NEGR1: variants seen among roughly 807,000 people sequenced by gnomAD.
NEGR1 encodes IgLON family member 4.
A neutral mutation model predicts 40.9 loss-of-function variants in NEGR1; 10 were observed. That is an observed-to-expected ratio of 0.24 (90% CI 0.15 to 0.42). NEGR1 has a LOEUF of 0.42. Ranked by LOEUF, NEGR1 falls within the 10% of genes least tolerant of loss-of-function variation. The pLI, the probability that NEGR1 is intolerant of heterozygous loss-of-function variation, is 1.00. For synonymous variants in NEGR1, 185 were observed against 166.8 expected (o/e 1.11, Z -0.84); for missense variants, 352 against 438.9 (o/e 0.80, Z 1.77).
At chr1:71,751,707 C>T (rs986194440) in intron 3 of NEGR1, among the ~76,000 whole-genome samples, 2 of 151,560 alleles carry the variant, frequency 1.3e-5, no homozygotes, top group Non-Finnish European at 2.9e-5. Context: ...TAACTCCAAG[C>T]TACCTTTCCA....
At chr1:71,494,139 A>T (rs1306290907) in intron 6 of NEGR1, among the ~76,000 whole-genome samples, 3 of 152,160 alleles carry the variant, frequency 2.0e-5, no homozygotes. Flanking sequence ...CCTGATAGGA[A>T]TCCTTTCATT....
intron 1 of NEGR1, among the ~76,000 whole-genome samples, chr1:72,204,154 A>G (rs762482562): frequency 6.6e-6 from 1 of 152,080 alleles, no homozygotes; most frequent in Non-Finnish European, 1.5e-5. Flanking sequence ...AATTGCATCA[A>G]ACAAAGTTAC....
intron 1 of NEGR1, among the ~76,000 whole-genome samples, chr1:71,980,570 A>G (rs1163723243): frequency 6.6e-6 from 1 of 152,136 alleles, no homozygotes. Flanking sequence ...GTTGAGATAT[A>G]AATATGCATC....
intron 2 of NEGR1, among the ~76,000 whole-genome samples, chr1:71,926,891 A>C (rs1645779060): frequency 2.6e-5 from 4 of 152,140 alleles, no homozygotes; most frequent in Admixed American, 2.0e-4. Context: ...TTACATAGAA[A>C]ATCTTTTGGA....
chr1:71,943,048 GTA>G (rs965335350), intron 1 of NEGR1, among the ~76,000 whole-genome samples: 20 of 127,276 alleles, frequency 1.6e-4, no homozygotes, highest in African/African-American at 4.6e-4. Context: ...ATATATATGT[GTA>G]TATATATGTG....
intron 6 of NEGR1, among the ~76,000 whole-genome samples, chr1:71,530,203 A>G (rs1647311259): frequency 6.6e-6 from 1 of 151,244 alleles, no homozygotes; most frequent in Non-Finnish European, 1.5e-5. Context: ...TCTAATATTT[A>G]TTATCTCCTG....
In NEGR1 at chr1:72,144,085, T is replaced by A. The variant is rs11296640; in HGVS notation, c.176+138234A>T. Among the ~76,000 whole-genome samples, 210 of 103,932 alleles carry A rather than the reference T, an allele frequency of 2.0e-3. 1 individual carries two copies. The highest frequency in any genetic ancestry group is 6.2e-3 in the African/African-American group (178 of 28,822). 68.2% of individuals were successfully genotyped at this position (103,932 alleles called of 152,430 possible). On this transcript the variant is annotated intron_variant, in intron 1 of 6. Transcript: ENST00000357731. ...ATGCTGTGAGGTAAGATTTTTTTTT[T>A]AAAAAAGGAAAATTACTGCTTAATT...
chr1:71,897,823 T>G (rs910777932), intron 2 of NEGR1, among the ~76,000 whole-genome samples: 1 of 152,324 alleles, frequency 6.6e-6, no homozygotes, highest in African/African-American at 2.4e-5. Context: ...GAGGAGTGCT[T>G]ATCTAGAAGC....
At chr1:72,012,976 C>A (rs1463590253) in intron 1 of NEGR1, among the ~76,000 whole-genome samples, 3 of 147,960 alleles carry the variant, frequency 2.0e-5, no homozygotes, top group African/African-American at 5.0e-5. Context: ...GAAAAAAAAA[C>A]AGATTAATAG....
At chr1:71,602,797 G>A (rs1649967016) in intron 5 of NEGR1, among the ~76,000 whole-genome samples, 1 of 152,094 alleles carries the variant, frequency 6.6e-6, no homozygotes. Flanking sequence ...ATAAACTGGA[G>A]GTGGCCCACT....
intron 1 of NEGR1, among the ~76,000 whole-genome samples, chr1:72,218,194 T>G (rs1653888180): frequency 6.6e-6 from 1 of 151,930 alleles, no homozygotes; most frequent in Non-Finnish European, 1.5e-5. Context: ...GATGACCTAT[T>G]GTGACACATT....
At chr1:72,102,602 GC>G (rs1479260741) in intron 1 of NEGR1, among the ~76,000 whole-genome samples, 3 of 151,986 alleles carry the variant, frequency 2.0e-5, no homozygotes, top group Non-Finnish European at 4.4e-5. Context: ...TAACTGAAAA[GC>G]TTTTAAAGTA....
intron 1 of NEGR1, among the ~76,000 whole-genome samples, chr1:72,243,258 A>G (rs971769537): frequency 9.9e-5 from 15 of 151,812 alleles, no homozygotes; most frequent in African/African-American, 3.6e-4. Flanking sequence ...CAAATACTAA[A>G]CTTAAAAGGG....
chr1:71,987,586 A>T (rs1299194260), intron 1 of NEGR1, among the ~76,000 whole-genome samples: 1 of 152,184 alleles, frequency 6.6e-6, no homozygotes, highest in Non-Finnish European at 1.5e-5. Context: ...GTCTTCAATG[A>T]TCCAATTTAT....
At chr1:72,258,380 G>A (rs1045487192) in intron 1 of NEGR1, among the ~76,000 whole-genome samples, 24 of 152,042 alleles carry the variant, frequency 1.6e-4, no homozygotes, top group Admixed American at 1.2e-3. Flanking sequence ...CATGATTGTC[G>A]TGTGTGTGAG....
At chr1:71,781,101 T>C (rs1056624044) in intron 2 of NEGR1, among the ~76,000 whole-genome samples, 16 of 152,196 alleles carry the variant, frequency 1.1e-4, no homozygotes, top group African/African-American at 3.6e-4. Context: ...TATTTTTGTT[T>C]GTTTAATGAG....
At chr1:72,231,573 G>T (rs1654366145) in intron 1 of NEGR1, among the ~76,000 whole-genome samples, 1 of 152,062 alleles carries the variant, frequency 6.6e-6, no homozygotes, top group Admixed American at 6.6e-5. Context: ...TTGATGTCAT[G>T]ATTTATCTAA....
At chr1:72,125,060 A>G (rs189849691) in intron 1 of NEGR1, among the ~76,000 whole-genome samples, 9 of 152,230 alleles carry the variant, frequency 5.9e-5, no homozygotes, top group African/African-American at 2.2e-4. Context: ...TCACTCAAAA[A>G]CAACTTCAGT....
In NEGR1 at chr1:71,772,125, C is replaced by T. The variant is rs189153668; in HGVS notation, c.535+4047G>A. Reference sequence around the variant, plus strand: ...ATCCGATTCCCTGAGAAGGATACAACTTCACTTACTTCCATAAGGACATAA... The same window carrying T: ...ATCCGATTCCCTGAGAAGGATACAATTTCACTTACTTCCATAAGGACATAA... On this transcript the variant is annotated intron_variant, in intron 3 of 6. Coordinates refer to ENST00000357731, the MANE Select transcript of NEGR1 (RefSeq NM_173808.3). 2.0e-3 allele frequency among the ~76,000 whole-genome samples: 312 copies of T among 152,274 alleles called. 1 individual carries two copies. The highest frequency in any genetic ancestry group is 6.5e-3 in the African/African-American group (268 of 41,538).
Sources: allele counts gnomAD v4.1 joint callset (sites outside exome capture counted in the v4.1 genomes callset), GRCh38; gene constraint gnomAD v4.1.1; transcripts MANE v1.5; gene names NCBI Gene and HGNC (gene_info 2026-07-23, HGNC 2026-07-21).